Variants in PCDH15 observed in about 807,000 individuals in gnomAD.
The protein encoded by PCDH15 is protocadherin related 15, also known as protocadherin-15.
In PCDH15, 129 loss-of-function variants were observed where a neutral mutation model predicts 178.5. The observed-to-expected ratio is 0.72, with a 90% CI of 0.63 to 0.84. The LOEUF (loss-of-function observed/expected upper bound fraction) is 0.84. Among genes scored for constraint, PCDH15 ranks in the 40% least tolerant of loss-of-function variants. PCDH15 has a pLI of 0.00. For missense variants in PCDH15, 2,230 were observed against 2,099.9 expected, an observed-to-expected ratio of 1.06 and a Z score of -1.21; for synonymous variants, 800 against 732.0, an observed-to-expected ratio of 1.09 and a Z score of -1.50.
At chr10:54,769,835 T>G (rs540503153) in intron 1 of PCDH15, among the ~76,000 whole-genome samples, 1 of 152,116 alleles carries the variant, frequency 6.6e-6, no homozygotes, top group African/African-American at 2.4e-5. Context: ...ACAATCCTTC[T>G]TTTCTTCTGG....
At chr10:54,511,256 A>T (rs1423063934) in intron 3 of PCDH15, among the ~76,000 whole-genome samples, 2 of 152,122 alleles carry the variant, frequency 1.3e-5, no homozygotes, top group African/African-American at 4.8e-5. Context: ...TTTCCTTGTC[A>T]GTATGAAGTA....
intron 2 of PCDH15, among the ~76,000 whole-genome samples, chr10:55,126,147 T>A (rs532883015): frequency 6.6e-6 from 1 of 152,180 alleles, no homozygotes; most frequent in South Asian, 2.1e-4. Context: ...ACCTTCATGC[T>A]GGTTCCATGT....
At chr10:54,035,867 T>C (rs538356240) in intron 18 of PCDH15, among the ~76,000 whole-genome samples, 4 of 152,066 alleles carry the variant, frequency 2.6e-5, no homozygotes, top group African/African-American at 7.2e-5. Flanking sequence ...TTTCATAAAT[T>C]AAAAGTTCTA....
chr10:55,455,618 G>A (rs908742870), intron 2 of PCDH15, among the ~76,000 whole-genome samples: 4 of 151,198 alleles, frequency 2.6e-5, no homozygotes, highest in African/African-American at 9.7e-5. Flanking sequence ...GAAAAAAAAG[G>A]TGAATAAGTA....
intron 3 of PCDH15, among the ~76,000 whole-genome samples, chr10:54,482,394 A>G (rs2078781470): frequency 6.6e-6 from 1 of 151,874 alleles, no homozygotes; most frequent in Non-Finnish European, 1.5e-5. Context: ...CAAGTGATAG[A>G]GATTGATATC....
chr10:53,808,987 G>A (rs1335426413), intron 37 of PCDH15: 3 of 1,564,134 alleles, frequency 1.9e-6, no homozygotes, highest in African/African-American at 1.4e-5. Context: ...TTCCATCTTA[G>A]GTTCTTTTTG....
chr10:55,003,945 T>C (rs754991219), intron 2 of PCDH15, among the ~76,000 whole-genome samples: 2 of 152,234 alleles, frequency 1.3e-5, no homozygotes, highest in African/African-American at 4.8e-5. Flanking sequence ...CAGGTGCAGA[T>C]AGATTCCTGG....
At chr10:54,847,307 C>T (rs1204272810) in intron 3 of PCDH15, among the ~76,000 whole-genome samples, 2 of 152,196 alleles carry the variant, frequency 1.3e-5, no homozygotes, top group South Asian at 2.1e-4. Context: ...CTTGCAGTAT[C>T]GCATTTTAGA....
At chr10:55,454,537 G>A (rs975272984) in intron 2 of PCDH15, among the ~76,000 whole-genome samples, 1 of 151,688 alleles carries the variant, frequency 6.6e-6, no homozygotes, top group Non-Finnish European at 1.5e-5. Context: ...CAGCACTTTG[G>A]GAGGCTGAGG....
chr10:54,807,220 T>C (rs543694048), intron 3 of PCDH15, among the ~76,000 whole-genome samples: 1 of 152,312 alleles, frequency 6.6e-6, no homozygotes, highest in African/African-American at 2.4e-5. Context: ...TTGAAAATTC[T>C]GAACAATCAA....
intron 1 of PCDH15, among the ~76,000 whole-genome samples, chr10:54,787,931 G>T (rs528672343): frequency 6.6e-6 from 1 of 151,862 alleles, no homozygotes; most frequent in East Asian, 1.9e-4. Flanking sequence ...CCGAGAGAGC[G>T]TGAATAAACA....
At chr10:55,303,786 G>A (rs377412918) in intron 1 of PCDH15, among the ~76,000 whole-genome samples, 53 of 151,442 alleles carry the variant, frequency 3.5e-4, no homozygotes, top group African/African-American at 1.2e-3. Flanking sequence ...TTGATAAATT[G>A]TGCCTGTCTC....
chr10:53,840,446 A>T lies in PCDH15; in HGVS notation c.3857T>A (p.Val1286Glu), dbSNP rs375292203. The change falls in exon 29 of 38, where the codon GTG (valine) becomes GAG (glutamate). Residue 1286 changes from valine to glutamate, a missense_variant. Physicochemically the swap from Val to Glu is moderately radical, Grantham distance 121 (BLOSUM62 -2). Transcript: ENST00000644397. ...QEQIPGAKVV[V>E]ESIGARRHGD... Reference sequence around the variant, plus strand: ...ATGCCGGCGAGCTCCAATGGACTCCACTACGACCTTGGCACCAGGAATTTG... The same window carrying T: ...ATGCCGGCGAGCTCCAATGGACTCCTCTACGACCTTGGCACCAGGAATTTG... The T allele has an allele frequency of 4.2e-5, 68 of 1,614,000 alleles. No individual in the cohort carries two copies. The highest frequency in any genetic ancestry group is 5.6e-5 in the Non-Finnish European group (66 of 1,179,968).
rs185523296 is a variant in PCDH15 at position 54,371,587 on chromosome 10, G to A, written c.319-2312C>T. Among the ~76,000 whole-genome samples, 205 of 151,860 alleles carry A rather than the reference G, an allele frequency of 1.3e-3. 1 individual carries two copies. The highest frequency in any genetic ancestry group is 2.6e-3 in the African/African-American group (106 of 41,514). On this transcript the variant is annotated intron_variant, in intron 4 of 37. Coordinates refer to ENST00000644397, the MANE Select transcript of PCDH15 (RefSeq NM_001384140.1). The stretch of plus-strand genomic sequence containing the variant: ...ATAGTTGAAAAATATTTCAAAGCAT[G>A]TTTTCACCATAAGTAGAGGGCTTCT...
At chr10:54,883,369 T>C (rs959829056) in intron 3 of PCDH15, among the ~76,000 whole-genome samples, 2 of 152,036 alleles carry the variant, frequency 1.3e-5, no homozygotes, top group Non-Finnish European at 2.9e-5. Context: ...AATTTTATAA[T>C]ACATTTTTAC....
intron 2 of PCDH15, among the ~76,000 whole-genome samples, chr10:54,613,142 G>A (rs1303033831): frequency 6.6e-6 from 1 of 151,776 alleles, no homozygotes; most frequent in Non-Finnish European, 1.5e-5. Flanking sequence ...GCATTGCTAT[G>A]TTTTTAAAGC....
chr10:53,913,991 C>T (rs190071204), intron 25 of PCDH15, among the ~76,000 whole-genome samples: 26 of 152,254 alleles, frequency 1.7e-4, no homozygotes, highest in African/African-American at 6.0e-4. Flanking sequence ...GACATTTATG[C>T]AGCCAACAGA....
At chr10:53,921,616 C>T (rs764501377) in intron 25 of PCDH15, among the ~76,000 whole-genome samples, 48 of 152,168 alleles carry the variant, frequency 3.2e-4, no homozygotes, top group Non-Finnish European at 6.2e-4. Flanking sequence ...CTGCCAGTTG[C>T]TTGAAGGTCA....
At chr10:55,580,158 C>T (rs1458736335) in intron 2 of PCDH15, among the ~76,000 whole-genome samples, 1 of 151,368 alleles carries the variant, frequency 6.6e-6, no homozygotes, top group Non-Finnish European at 1.5e-5. Flanking sequence ...TGCCCGGCCA[C>T]ATATTGTTGT....
Sources: gnomAD v4.1 joint callset for allele counts (sites outside exome capture counted in the v4.1 genomes callset) on GRCh38, gnomAD v4.1.1 for gene constraint, MANE v1.5 for transcripts, NCBI Gene and HGNC (gene_info 2026-07-23, HGNC 2026-07-21) for gene names.